Variants in FOXK2 observed in about 807,000 individuals in gnomAD.
FOXK2 encodes forkhead box protein K2.
Under a neutral mutation model 53.3 loss-of-function variants are expected in FOXK2, and 24 were observed. The observed-to-expected ratio is 0.45, with a 90% CI of 0.33 to 0.63. The LOEUF (loss-of-function observed/expected upper bound fraction) is 0.63, where lower values mean the gene tolerates loss of function less well. Among genes scored for constraint, FOXK2 ranks in the 30% least tolerant of loss-of-function variants. The pLI, the probability that FOXK2 is intolerant of heterozygous loss-of-function variation, is 0.03. For synonymous variants in FOXK2, 505 were observed against 407.1 expected (o/e 1.24, Z -2.89); for missense variants, 952 against 910.5 (o/e 1.05, Z -0.59).
At chr17:82,597,721 G>C (rs1256916821) in intron 8 of FOXK2, among the ~76,000 whole-genome samples, 1 of 152,076 alleles carries the variant, frequency 6.6e-6, no homozygotes, top group Admixed American at 6.5e-5. Context: ...CATGACCTTG[G>C]CTTACTGCAA....
At chr17:82,601,166 G>A in intron 8 of FOXK2, 137 bp from the exon 9 acceptor site, 1 of 948,826 alleles carries the variant, frequency 1.1e-6, no homozygotes, top group South Asian at 1.7e-5. Context: ...CCTGGGAGTG[G>A]CAGGACCCTT....
intron 1 of FOXK2, among the ~76,000 whole-genome samples, chr17:82,535,646 T>C (rs979909553): frequency 3.3e-5 from 5 of 152,182 alleles, no homozygotes; most frequent in Non-Finnish European, 5.9e-5. Context: ...TTTTAAAAGC[T>C]CCAGGATTTC....
At chr17:82,526,981 GAGCTAC>G (rs1439062392) in intron 1 of FOXK2, among the ~76,000 whole-genome samples, 1 of 152,180 alleles carries the variant, frequency 6.6e-6, no homozygotes, top group African/African-American at 2.4e-5. Flanking sequence ...GGTCGGAACG[GAGCTAC>G]TAGGAAAGTC....
intron 8 of FOXK2, among the ~76,000 whole-genome samples, chr17:82,592,396 CCTT>C (rs1220028395): frequency 1.3e-5 from 2 of 152,218 alleles, no homozygotes; most frequent in Non-Finnish European, 2.9e-5. Context: ...CTTTCTGTCA[CCTT>C]CTTAAGGGTT....
intron 1 of FOXK2, among the ~76,000 whole-genome samples, chr17:82,521,555 G>A (rs1033973060): frequency 6.6e-6 from 1 of 151,974 alleles, no homozygotes; most frequent in Non-Finnish European, 1.5e-5. Context: ...CGTGTTGTGT[G>A]TGTGTGCATG....
intron 1 of FOXK2, among the ~76,000 whole-genome samples, chr17:82,527,916 T>C (rs2044434259): frequency 1.3e-5 from 2 of 152,130 alleles, no homozygotes; most frequent in Non-Finnish European, 2.9e-5. Context: ...TCTTCCCACC[T>C]CAGTCTCCCG....
chr17:82,555,685 C>T (rs535647267), intron 1 of FOXK2, among the ~76,000 whole-genome samples: 48 of 149,760 alleles, frequency 3.2e-4, no homozygotes, highest in African/African-American at 1.2e-3. Context: ...GAGATCGAGA[C>T]CATCCTGGCT....
intron 3 of FOXK2, among the ~76,000 whole-genome samples, chr17:82,571,085 C>A (rs1252648003): frequency 6.6e-6 from 1 of 152,132 alleles, no homozygotes; most frequent in Non-Finnish European, 1.5e-5. Context: ...TGGCTGTGAG[C>A]CCTCAGCCAG....
In FOXK2 at chr17:82,571,882, C is replaced by A; in HGVS notation, c.909+12C>A. The A allele has an allele frequency of 6.5e-7, 1 of 1,538,928 alleles. No individual in the cohort carries two copies. The highest frequency in any genetic ancestry group is 8.7e-7 in the Non-Finnish European group (1 of 1,148,362). On this transcript the variant is annotated intron_variant, in intron 4 of 8. Transcript: ENST00000335255. The stretch of plus-strand genomic sequence containing the variant: ...ACAAGGGCTGGCAGGTAAATGCCTT[C>A]AGTTTGTTGTTAAATAGAGGCTGAT...
chr17:82,587,637 C>T (rs1567986577), intron 8 of FOXK2: 2 of 341,272 alleles, frequency 5.9e-6, no homozygotes, highest in Non-Finnish European at 1.1e-5. Context: ...TGCTATGCTG[C>T]TGAGGGTGGG....
At chr17:82,571,577 G>A (rs1470270724) in intron 3 of FOXK2, 147 bp from the exon 4 acceptor site, 2 of 816,524 alleles carry the variant, frequency 2.4e-6, no homozygotes, top group Non-Finnish European at 3.5e-6. Flanking sequence ...CTCCAGCCTG[G>A]GCGACACAGC....
chr17:82,568,212 T>TGAA lies in FOXK2; in HGVS notation c.762+12_762+13insAAG. 3.1e-6 allele frequency: 5 copies of TGAA among 1,610,902 alleles called. No individual in the cohort carries two copies. Among genetic ancestry groups the TGAA allele is most frequent in the Non-Finnish European group, 4.2e-6 (5 of 1,179,750 alleles). On this transcript the variant is annotated intron_variant, in intron 3 of 8. Transcript: ENST00000335255. ...GGAGACAGCCCGAAGGTAAAGGCTT[T>TGAA]GTAGCCTTGAAGCAGCCCCTGGGGG...
intron 4 of FOXK2, among the ~76,000 whole-genome samples, chr17:82,573,673 T>C (rs1203336916): frequency 6.6e-6 from 1 of 151,796 alleles, no homozygotes; most frequent in African/African-American, 2.4e-5. Context: ...AAACTCCACA[T>C]GGGGTCCAGC....
At chr17:82,563,321 A>G (rs752833927) in intron 1 of FOXK2, 33 bp from the exon 2 acceptor site, 1 of 1,595,194 alleles carries the variant, frequency 6.3e-7, no homozygotes, top group Non-Finnish European at 8.5e-7. Flanking sequence ...CTGGAACAGC[A>G]AAAGGTGCTG....
chr17:82,566,792 CA>C (rs1219697457), intron 2 of FOXK2, among the ~76,000 whole-genome samples: 4 of 152,166 alleles, frequency 2.6e-5, no homozygotes, highest in Non-Finnish European at 4.4e-5. Context: ...AGACCTTTGT[CA>C]GGGGGAACCC....
At chr17:82,587,656 T>C in intron 8 of FOXK2, 1 of 315,746 alleles carries the variant, frequency 3.2e-6, no homozygotes, top group Non-Finnish European at 6.2e-6. Context: ...GGAGAGAGGC[T>C]GCTTTTCTGT....
At chr17:82,541,393 C>A (rs1466239609) in intron 1 of FOXK2, among the ~76,000 whole-genome samples, 1 of 151,858 alleles carries the variant, frequency 6.6e-6, no homozygotes, top group Non-Finnish European at 1.5e-5. Flanking sequence ...GTGCCTCAGC[C>A]TCCCAAGTAG....
chr17:82,529,949 T>C (rs1251838781), intron 1 of FOXK2, among the ~76,000 whole-genome samples: 1 of 152,204 alleles, frequency 6.6e-6, no homozygotes, highest in Admixed American at 6.6e-5. Flanking sequence ...CTTAGTTACA[T>C]TGATACAGAT....
Position 82,575,207 on chromosome 17 carries a change from G to A in FOXK2, c.909+3337G>A, listed in dbSNP as rs1028446854. ...CTGTGCCCTGCCTGCTGCTCCTGCC[G>A]GGCTGGACCAGTGGAACACCATCTC... is the stretch of plus-strand genomic sequence containing the variant. On this transcript the variant is annotated intron_variant, in intron 4 of 8. Transcript: ENST00000335255. 6.7e-4 allele frequency among the ~76,000 whole-genome samples: 102 copies of A among 152,096 alleles called. 1 individual carries two copies. Among genetic ancestry groups the A allele is most frequent in the Non-Finnish European group, 2.6e-4 (18 of 68,026 alleles).
Sources: allele counts gnomAD v4.1 joint callset (sites outside exome capture counted in the v4.1 genomes callset), GRCh38; gene constraint gnomAD v4.1.1; transcripts MANE v1.5; gene names NCBI Gene and HGNC (gene_info 2026-07-23, HGNC 2026-07-21).